Variants in ST6GAL2 observed in about 807,000 individuals in gnomAD.
ST6GAL2 encodes beta-galactoside alpha-2,6-sialyltransferase 2.
Under a neutral mutation model 37.5 loss-of-function variants are expected in ST6GAL2, and 24 were observed. The observed-to-expected ratio is 0.64, with a 90% confidence interval of 0.46 to 0.90. The LOEUF is 0.90. Among genes scored for constraint, ST6GAL2 ranks in the 40% least tolerant of loss-of-function variants. The pLI, the probability that ST6GAL2 is intolerant of heterozygous loss-of-function variation, is 0.00. For missense variants in ST6GAL2, 715 were observed against 712.7 expected, an observed-to-expected ratio of 1.00 and a Z score of -0.04; for synonymous variants, 306 against 295.1, an observed-to-expected ratio of 1.04 and a Z score of -0.38.
At chr2:106,875,183 T>G (rs1029958136) in intron 1 of ST6GAL2, among the ~76,000 whole-genome samples, 2 of 151,342 alleles carry the variant, frequency 1.3e-5, no homozygotes, top group Admixed American at 1.3e-4. Flanking sequence ...TCTTTTTTTT[T>G]TTTTTTTGAA....
intron 2 of ST6GAL2, among the ~76,000 whole-genome samples, chr2:106,838,125 T>C (rs1676723201): frequency 6.6e-6 from 1 of 152,174 alleles, no homozygotes; most frequent in Non-Finnish European, 1.5e-5. Context: ...AGCTGTCCAT[T>C]CATATTTAGA....
intron 1 of ST6GAL2, among the ~76,000 whole-genome samples, chr2:106,856,509 C>A (rs889567508): frequency 6.6e-6 from 1 of 152,222 alleles, no homozygotes; most frequent in Non-Finnish European, 1.5e-5. Flanking sequence ...AAAGCTTCAC[C>A]TGGCTTTTTC....
intron 1 of ST6GAL2, among the ~76,000 whole-genome samples, chr2:106,864,057 A>G (rs1411597054): frequency 6.6e-6 from 1 of 152,160 alleles, no homozygotes; most frequent in Non-Finnish European, 1.5e-5. Context: ...ACTGCACTAG[A>G]AGGGATCCAG....
At chr2:106,835,431 A>T (rs1336665857) in intron 2 of ST6GAL2, among the ~76,000 whole-genome samples, 1 of 152,230 alleles carries the variant, frequency 6.6e-6, no homozygotes, top group Non-Finnish European at 1.5e-5. Context: ...AACAATGTTT[A>T]AAAAGGTGCC....
chr2:106,846,627 G>A (rs184839261), intron 1 of ST6GAL2, among the ~76,000 whole-genome samples: 6 of 152,194 alleles, frequency 3.9e-5, no homozygotes, highest in African/African-American at 9.6e-5. Flanking sequence ...TGCAACATTC[G>A]CTTACATGTA....
chr2:106,828,416 C>A (rs1161981799), intron 5 of ST6GAL2, among the ~76,000 whole-genome samples: 1 of 151,940 alleles, frequency 6.6e-6, no homozygotes, highest in Non-Finnish European at 1.5e-5. Context: ...AGATAAAGAA[C>A]TTAGGATTTC....
At chr2:106,855,588 T>C (rs978964318) in intron 1 of ST6GAL2, among the ~76,000 whole-genome samples, 6 of 152,194 alleles carry the variant, frequency 3.9e-5, no homozygotes, top group African/African-American at 1.4e-4. Context: ...AAAGTATTCC[T>C]TCCTTATAAA....
intron 3 of ST6GAL2, 44 bp downstream of exon 3, chr2:106,834,005 A>G (rs569354919): frequency 6.9e-7 from 1 of 1,444,180 alleles, no homozygotes; most frequent in South Asian, 1.2e-5. Flanking sequence ...CATCCAGTTA[A>G]ACCTAAGAAA....
At chr2:106,836,919 G>C (rs1181896713) in intron 2 of ST6GAL2, among the ~76,000 whole-genome samples, 4 of 125,798 alleles carry the variant, frequency 3.2e-5, no homozygotes, top group Admixed American at 9.7e-5. Context: ...ACTACAACCT[G>C]AGCAACAGGA....
intron 5 of ST6GAL2, among the ~76,000 whole-genome samples, chr2:106,810,567 T>A (rs1055184979): frequency 2.6e-5 from 4 of 152,160 alleles, no homozygotes; most frequent in African/African-American, 9.7e-5. Context: ...GAATCTACCC[T>A]GAGTGTTTAG....
chr2:106,873,366 C>T (rs1302755833), intron 1 of ST6GAL2, among the ~76,000 whole-genome samples: 1 of 152,192 alleles, frequency 6.6e-6, no homozygotes, highest in Non-Finnish European at 1.5e-5. Flanking sequence ...TTGTATACTC[C>T]CCCTGGGGCA....
intron 1 of ST6GAL2, among the ~76,000 whole-genome samples, chr2:106,880,958 C>T (rs1290887470): frequency 6.6e-6 from 1 of 152,046 alleles, no homozygotes; most frequent in East Asian, 1.9e-4. Context: ...GAAAGACATT[C>T]CTCTTTTTCA....
intron 3 of ST6GAL2, among the ~76,000 whole-genome samples, chr2:106,833,792 T>C (rs919397817): frequency 4.6e-5 from 7 of 152,166 alleles, no homozygotes; most frequent in South Asian, 2.1e-4. Context: ...ATTATAAATA[T>C]ATATATTTCT....
rs1334584603 is a variant in ST6GAL2, at chr2:106,884,952, T to C, written c.-58+1141A>G. 1.4e-3 allele frequency among the ~76,000 whole-genome samples: 153 copies of C among 111,670 alleles called. 1 individual carries two copies. The highest frequency in any genetic ancestry group is 4.7e-3 in the African/African-American group (121 of 25,706). 73.3% of individuals were successfully genotyped at this position (111,670 alleles called of 152,430 possible). ...ATATATATACATACACACACACACA[T>C]ATATACATATGTGTATGTATATACA... On this transcript the variant is annotated intron_variant, in intron 1 of 5. Coordinates refer to ENST00000409382, the MANE Select transcript of ST6GAL2 (RefSeq NM_001142351.2).
At position 106,843,954 on chromosome 2, in the gene ST6GAL2, C is replaced by G. The variant is rs1251606516; in HGVS notation, c.24G>C (p.Trp8Cys). ...ATATTCCGAAAAGCATTCGTTGTCT[C>G]CATTGCTTCAAGTGTGGTTTCATGG... is the stretch of plus-strand genomic sequence containing the variant. MKPHLKQ[W>C]RQRMLFGIFA... Residue 8 changes from tryptophan to cysteine, a missense_variant, in exon 2 of 6, where the codon TGG (tryptophan) becomes TGC (cysteine). Transcript: ENST00000409382. 4.4e-6 allele frequency: 7 copies of G among 1,585,998 alleles called. No homozygotes were observed. Among genetic ancestry groups the G allele is most frequent in the African/African-American group, 2.7e-5 (2 of 74,566 alleles).
chr2:106,851,686 T>C lies in ST6GAL2; in HGVS notation c.-57-7652A>G, dbSNP rs528500215. On this transcript the variant is annotated intron_variant, in intron 1 of 5. Transcript: ENST00000409382. ...TTTTTCTTTCTTTTTTTTTTTTTTTTCACATTTTGATTGATGTGTCTGCTA... is the reference window on the plus strand; with the variant it reads ...TTTTTCTTTCTTTTTTTTTTTTTTTCCACATTTTGATTGATGTGTCTGCTA... 2.0e-4 allele frequency among the ~76,000 whole-genome samples: 25 copies of C among 122,996 alleles called. 1 individual carries two copies. In the South Asian group the frequency reaches 6.5e-3, roughly 32 times the overall value. The allele number at this position is 122,996 out of a possible 152,430, so 80.7% of individuals were successfully genotyped here. A position where few individuals can be genotyped will look rare whatever the true frequency, so the allele number is the denominator to read the frequency against.
At chr2:106,867,773 C>A (rs748072582) in intron 1 of ST6GAL2, among the ~76,000 whole-genome samples, 16 of 152,206 alleles carry the variant, frequency 1.1e-4, no homozygotes, top group Non-Finnish European at 2.1e-4. Flanking sequence ...GGGTTTGTTC[C>A]ACTGAACACC....
intron 1 of ST6GAL2, among the ~76,000 whole-genome samples, chr2:106,846,151 T>C (rs1677136325): frequency 6.6e-6 from 1 of 152,188 alleles, no homozygotes; most frequent in Non-Finnish European, 1.5e-5. Flanking sequence ...CCAGCCAACA[T>C]CTGACTGCAA....
intron 1 of ST6GAL2, among the ~76,000 whole-genome samples, chr2:106,884,528 C>G (rs1678878992): frequency 6.6e-6 from 1 of 152,090 alleles, no homozygotes; most frequent in African/African-American, 2.4e-5. Flanking sequence ...CCATATAAAG[C>G]AGTGACTCCT....
Sources: gnomAD v4.1 joint callset for allele counts (sites outside exome capture counted in the v4.1 genomes callset) on GRCh38, gnomAD v4.1.1 for gene constraint, MANE v1.5 for transcripts, NCBI Gene and HGNC (gene_info 2026-07-23, HGNC 2026-07-21) for gene names.